CSMD1: variants seen among roughly 807,000 people sequenced by gnomAD.
CSMD1 encodes CUB and Sushi multiple domains 1.
CSMD1 carries 213 observed loss-of-function variants against 417.5 expected under a neutral mutation model. The ratio of observed to expected loss-of-function variants is 0.51; its 90% confidence interval spans 0.46 to 0.57. The LOEUF is 0.57. Among genes scored for constraint, CSMD1 ranks in the 20% least tolerant of loss-of-function variants. The pLI is 0.00. For missense variants in CSMD1, 6,923 were observed against 4,529.7 expected, an observed-to-expected ratio of 1.53 and a Z score of -15.17; for synonymous variants, 2,862 against 1,736.8, an observed-to-expected ratio of 1.65 and a Z score of -16.11.
chr8:4,446,787 G>GTGTGTGTGTC (rs1798834892), intron 2 of CSMD1, among the ~76,000 whole-genome samples: 1 of 127,680 alleles, frequency 7.8e-6, no homozygotes, highest in African/African-American at 3.4e-5. Context: ...GTGTGTGTGT[G>GTGTGTGTGTC]TGTGTGTGTA....
At position 3,501,090 on chromosome 8, in the gene CSMD1, A is replaced by G. The variant is rs186066756; in HGVS notation, c.1345-7364T>C. On this transcript the variant is annotated intron_variant, in intron 10 of 69. Coordinates refer to ENST00000635120, the MANE Select transcript of CSMD1 (RefSeq NM_033225.6). ...ATTTCCCAAAAATCAAAAATAAAAT[A>G]TACTATATAGTTTCAATTTACTGAA... Among the ~76,000 whole-genome samples, 187 of 152,368 alleles carry G rather than the reference A, an allele frequency of 1.2e-3. No homozygotes were observed. In the South Asian group the frequency reaches 0.016, roughly 13 times the overall value.
intron 1 of CSMD1, among the ~76,000 whole-genome samples, chr8:4,786,444 T>C (rs781389927): frequency 1.3e-5 from 2 of 152,238 alleles, no homozygotes; most frequent in Non-Finnish European, 2.9e-5. Flanking sequence ...GCATTCATCA[T>C]GTATCTTGCT....
chr8:3,404,076 T>C (rs568126841), intron 15 of CSMD1, among the ~76,000 whole-genome samples: 15 of 152,274 alleles, frequency 9.9e-5, no homozygotes, highest in African/African-American at 3.4e-4. Flanking sequence ...TACCAGACGA[T>C]ACTATAAACA....
chr8:4,322,497 G>C (rs746450914), intron 3 of CSMD1, among the ~76,000 whole-genome samples: 16 of 152,264 alleles, frequency 1.1e-4, no homozygotes. Flanking sequence ...GCTGTATGCA[G>C]TTGTGGGTTC....
chr8:3,114,851 A>T (rs1222702463), intron 42 of CSMD1, among the ~76,000 whole-genome samples: 1 of 152,082 alleles, frequency 6.6e-6, no homozygotes. Flanking sequence ...TTTGCAATAA[A>T]ATTGTTTTCT....
chr8:3,683,910 T>C (rs1799799394), intron 7 of CSMD1, among the ~76,000 whole-genome samples: 1 of 151,974 alleles, frequency 6.6e-6, no homozygotes, highest in Non-Finnish European at 1.5e-5. Flanking sequence ...TTTCAAAAAA[T>C]GACTGTTAGA....
chr8:3,790,455 A>C (rs890657292), intron 5 of CSMD1, among the ~76,000 whole-genome samples: 11 of 152,180 alleles, frequency 7.2e-5, no homozygotes, highest in Non-Finnish European at 1.6e-4. Context: ...TGACACGGTT[A>C]TGGTAATGTT....
At chr8:3,446,940 A>G (rs1245948256) in intron 12 of CSMD1, among the ~76,000 whole-genome samples, 2 of 152,368 alleles carry the variant, frequency 1.3e-5, no homozygotes, top group African/African-American at 4.8e-5. Flanking sequence ...AATAATTAGC[A>G]TGTTGTCTGC....
chr8:3,169,022 G>A (rs1403333336), intron 37 of CSMD1, among the ~76,000 whole-genome samples: 1 of 152,132 alleles, frequency 6.6e-6, no homozygotes, highest in Admixed American at 6.5e-5. Flanking sequence ...TTAATACATG[G>A]TTTCCAAAAT....
At chr8:4,293,036 G>C (rs910078098) in intron 3 of CSMD1, among the ~76,000 whole-genome samples, 1 of 152,152 alleles carries the variant, frequency 6.6e-6, no homozygotes, top group Non-Finnish European at 1.5e-5. Context: ...GTTATGGCTT[G>C]AGAAGGGGCT....
intron 4 of CSMD1, among the ~76,000 whole-genome samples, chr8:4,025,115 G>C (rs112824627): frequency 0.016 from 2,511 of 152,298 alleles, 74 homozygotes; most frequent in African/African-American, 0.058. Context: ...GACACCGAAG[G>C]GGCTGCAAGA....
chr8:4,461,845 A>C (rs1281112408), intron 2 of CSMD1, among the ~76,000 whole-genome samples: 1 of 148,008 alleles, frequency 6.8e-6, no homozygotes, highest in African/African-American at 2.5e-5. Flanking sequence ...GGTTCCCGCC[A>C]TTCTCCTGCC....
intron 4 of CSMD1, among the ~76,000 whole-genome samples, chr8:4,006,093 C>A (rs1234644104): frequency 6.6e-6 from 1 of 152,198 alleles, no homozygotes; most frequent in South Asian, 2.1e-4. Context: ...ACAGATGCAA[C>A]AGAAAGCACC....
chr8:3,848,052 T>A (rs1196096954), intron 5 of CSMD1, among the ~76,000 whole-genome samples: 1 of 150,316 alleles, frequency 6.7e-6, no homozygotes, highest in Non-Finnish European at 1.5e-5. Flanking sequence ...CTAATCTTCT[T>A]ACCATCCTGG....
intron 3 of CSMD1, among the ~76,000 whole-genome samples, chr8:4,322,849 T>C (rs1044814242): frequency 1.3e-5 from 2 of 151,974 alleles, no homozygotes; most frequent in Non-Finnish European, 2.9e-5. Context: ...ACACAAAAAT[T>C]AGCCAGGCTT....
intron 33 of CSMD1, among the ~76,000 whole-genome samples, chr8:3,195,656 A>G (rs898506): frequency 0.68 from 103,644 of 151,558 alleles, 36,142 homozygotes; most frequent in Non-Finnish European, 0.76. Flanking sequence ...ATGGTACAAG[A>G]CCAGGGAATT....
chr8:4,384,182 C>A (rs774966304), intron 3 of CSMD1, among the ~76,000 whole-genome samples: 1 of 152,150 alleles, frequency 6.6e-6, no homozygotes, highest in Non-Finnish European at 1.5e-5. Flanking sequence ...AGAAAGACAT[C>A]CTGCTCAAGA....
At chr8:4,348,991 C>A (rs188013387) in intron 3 of CSMD1, among the ~76,000 whole-genome samples, 123 of 152,250 alleles carry the variant, frequency 8.1e-4, no homozygotes, top group African/African-American at 2.6e-3. Flanking sequence ...ACAGGACAAA[C>A]TGAAAAATTG....
intron 1 of CSMD1, among the ~76,000 whole-genome samples, chr8:4,730,640 C>G (rs1378933758): frequency 1.3e-5 from 2 of 151,902 alleles, no homozygotes; most frequent in Admixed American, 1.3e-4. Context: ...ACTCGGGAGG[C>G]TGAGACAGGA....
Sources: gnomAD v4.1 joint callset for allele counts (sites outside exome capture counted in the v4.1 genomes callset) on GRCh38, gnomAD v4.1.1 for gene constraint, MANE v1.5 for transcripts, NCBI Gene and HGNC (gene_info 2026-07-23, HGNC 2026-07-21) for gene names.